The following COL19A1 variants were observed in gnomAD, a reference collection of about 807,000 sequenced individuals.
COL19A1 encodes collagen type XIX alpha 1 chain.
COL19A1 carries 159 observed loss-of-function variants against 190.2 expected under a neutral mutation model. The observed-to-expected ratio is 0.84, with a 90% CI of 0.73 to 0.95. COL19A1 has a LOEUF of 0.95. COL19A1 is among the 40% of genes least tolerant of loss of function. COL19A1 has a pLI of 0.00. For synonymous variants in COL19A1, 509 were observed against 458.9 expected, an observed-to-expected ratio of 1.11 and a Z score of -1.39; for missense variants, 1,418 against 1,431.9, an observed-to-expected ratio of 0.99 and a Z score of 0.16.
At chr6:70,017,058 T>A (rs1470972997) in intron 11 of COL19A1, among the ~76,000 whole-genome samples, 1 of 152,132 alleles carries the variant, frequency 6.6e-6, no homozygotes, top group African/African-American at 2.4e-5. Context: ...GTTTATTTTA[T>A]TGTTCATGGC....
rs771107175 is a variant in COL19A1 at position 70,207,270 on chromosome 6, A to C, written c.3425A>C (p.Asn1142Thr). The C allele has an allele frequency of 2.5e-6, 4 of 1,610,902 alleles. No individual in the cohort carries two copies. The South Asian group carries it at 3.3e-5, about 13-fold the overall frequency. ...VSHAHQRTGG[N>T] ...CATGCCCATCAGCGCACAGGTGGGAATTGAACACACCTGAAGAAGACTTGG... is the reference window on the plus strand; with the variant it reads ...CATGCCCATCAGCGCACAGGTGGGACTTGAACACACCTGAAGAAGACTTGG... The change falls in exon 51 of 51, where the codon AAT (asparagine) becomes ACT (threonine). Residue 1142 changes from asparagine (N) to threonine (T), a missense_variant. Coordinates refer to ENST00000620364, the MANE Select transcript of COL19A1 (RefSeq NM_001858.6).
Position 69,895,550 on chromosome 6 carries a change from A to G in COL19A1, c.92-3398A>G, listed in dbSNP as rs73480032. On this transcript the variant is annotated intron_variant, in intron 2 of 50. Transcript: ENST00000620364. ...CAGAAACAGGGACTCTGTCTAGGCC[A>G]GAGTCCCTGCTAGAGCACTTCCCGC... Among the ~76,000 whole-genome samples, 1,245 of 152,340 alleles carry G rather than the reference A, an allele frequency of 8.2e-3. 19 individuals are homozygous for G. Among genetic ancestry groups the G allele is most frequent in the African/African-American group, 0.026 (1,070 of 41,570 alleles).
chr6:70,019,658 GAA>G (rs533748030), intron 11 of COL19A1, among the ~76,000 whole-genome samples: 5 of 152,006 alleles, frequency 3.3e-5, no homozygotes, highest in Non-Finnish European at 7.4e-5. Context: ...GGATTTCGTT[GAA>G]GTTTTTATTA....
At chr6:70,187,213 G>A (rs1206152279) in intron 46 of COL19A1, among the ~76,000 whole-genome samples, 4 of 152,108 alleles carry the variant, frequency 2.6e-5, no homozygotes, top group African/African-American at 9.7e-5. Context: ...TTATACTATT[G>A]AGTAAATGAT....
intron 9 of COL19A1, among the ~76,000 whole-genome samples, chr6:69,939,129 C>G (rs1248196767): frequency 6.6e-6 from 1 of 152,080 alleles, no homozygotes; most frequent in Non-Finnish European, 1.5e-5. Context: ...TCTGACAACT[C>G]AGCAGGTGTT....
chr6:70,206,971 G>A lies in COL19A1; in HGVS notation c.3294G>A (p.Gly1098=). 6.2e-7 allele frequency: 1 copy of A among 1,613,686 alleles called. No individual in the cohort carries two copies. Among genetic ancestry groups the A allele is most frequent in the Non-Finnish European group, 8.5e-7 (1 of 1,179,836 alleles). Residue 1098 remains glycine (G), a synonymous_variant, in exon 50 of 51, where the codon GGG becomes GGA. Coordinates refer to ENST00000620364, the MANE Select transcript of COL19A1 (RefSeq NM_001858.6). ...IGLPGSPGLP[G]TSALGLPGSP... ...TGCCAGGGAGTCCAGGTCTTCCTGG[G>A]ACTTCAGGTAAGTGGGATATTGTCT...
intron 9 of COL19A1, among the ~76,000 whole-genome samples, chr6:69,953,950 A>T (rs1304472794): frequency 1.3e-5 from 2 of 152,034 alleles, no homozygotes; most frequent in Non-Finnish European, 2.9e-5. Flanking sequence ...TTTTATAAAG[A>T]CATCTATGAT....
intron 16 of COL19A1, among the ~76,000 whole-genome samples, chr6:70,112,334 T>A (rs533619857): frequency 2.1e-3 from 327 of 152,278 alleles, no homozygotes; most frequent in Middle Eastern, 6.8e-3. Flanking sequence ...GGGTCATTGA[T>A]GTTGCATCTG....
At chr6:69,960,485 G>A (rs1292193686) in intron 10 of COL19A1, among the ~76,000 whole-genome samples, 1 of 152,080 alleles carries the variant, frequency 6.6e-6, no homozygotes, top group Non-Finnish European at 1.5e-5. Flanking sequence ...AGATGCTGTA[G>A]ACAACTACCT....
intron 49 of COL19A1, among the ~76,000 whole-genome samples, chr6:70,203,675 G>A (rs1432753595): frequency 6.6e-6 from 1 of 151,324 alleles, no homozygotes; most frequent in Non-Finnish European, 1.5e-5. Context: ...AACTTTAGAA[G>A]TAAATCTCTG....
chr6:69,890,372 T>A (rs896086293), intron 2 of COL19A1: 4 of 151,780 alleles, frequency 2.6e-5, no homozygotes, highest in Non-Finnish European at 5.9e-5. Flanking sequence ...TTTTCTTTTA[T>A]TTTTCTAGTG....
At chr6:69,921,636 AT>A (rs1229538156) in intron 4 of COL19A1, among the ~76,000 whole-genome samples, 1 of 143,052 alleles carries the variant, frequency 7.0e-6, no homozygotes, top group Non-Finnish European at 1.5e-5. Context: ...AGATTCGTAT[AT>A]ATTCGTATAT....
chr6:69,895,072 C>T (rs528479917), intron 2 of COL19A1, among the ~76,000 whole-genome samples: 21 of 152,302 alleles, frequency 1.4e-4, no homozygotes, highest in Admixed American at 9.2e-4. Flanking sequence ...GAGTTAAACC[C>T]GTTAGCCAGG....
intron 15 of COL19A1, among the ~76,000 whole-genome samples, chr6:70,087,864 T>C (rs964023499): frequency 1.3e-5 from 2 of 152,216 alleles, no homozygotes; most frequent in Non-Finnish European, 2.9e-5. Flanking sequence ...GACACACTAG[T>C]GTCGGCACTA....
intron 15 of COL19A1, among the ~76,000 whole-genome samples, chr6:70,079,161 A>C (rs1782082871): frequency 6.6e-6 from 1 of 152,242 alleles, no homozygotes; most frequent in Non-Finnish European, 1.5e-5. Flanking sequence ...GACATCAAGG[A>C]GATTGAATGA....
intron 10 of COL19A1, among the ~76,000 whole-genome samples, chr6:69,961,596 T>C (rs1774801230): frequency 6.6e-6 from 1 of 152,172 alleles, no homozygotes. Context: ...GAAAAAAATA[T>C]AGACCATGCA....
intron 14 of COL19A1, among the ~76,000 whole-genome samples, chr6:70,064,064 A>G (rs1330937020): frequency 6.6e-6 from 1 of 152,216 alleles, no homozygotes; most frequent in Non-Finnish European, 1.5e-5. Flanking sequence ...AGGAGCTGGT[A>G]CCATTCCTTC....
rs750212975 is a variant in COL19A1 at position 70,023,507 on chromosome 6, T to A, written c.1027-120T>A. 5 of 755,934 alleles carry A rather than the reference T, an allele frequency of 6.6e-6. No individual in the cohort carries two copies. In the African/African-American group the frequency reaches 7.3e-5, roughly 11 times the overall value. 46.8% of individuals were successfully genotyped at this position (755,934 alleles called of 1,614,324 possible). A position where few individuals can be genotyped will look rare whatever the true frequency, so the allele number is the denominator to read the frequency against. On this transcript the variant is annotated intron_variant, in intron 11 of 50. Transcript: ENST00000620364. ...AGGATTGTTTTTTAATAAACGTGCC[T>A]TTCAAGGGTTTAGCAAAGTAATCAT...
At chr6:69,950,312 T>C (rs1400684450) in intron 9 of COL19A1, among the ~76,000 whole-genome samples, 2 of 151,876 alleles carry the variant, frequency 1.3e-5, no homozygotes, top group East Asian at 3.9e-4. Context: ...GGATGAAGTA[T>C]AGCATTTAGT....
Sources: allele counts gnomAD v4.1 joint callset (sites outside exome capture counted in the v4.1 genomes callset), GRCh38; gene constraint gnomAD v4.1.1; transcripts MANE v1.5; gene names NCBI Gene and HGNC (gene_info 2026-07-23, HGNC 2026-07-21).